Variants in TM9SF2 observed in about 807,000 individuals in gnomAD.
TM9SF2 encodes the protein 76 kDa membrane protein.
TM9SF2 carries 13 observed loss-of-function variants against 84.9 expected under a neutral mutation model. The observed-to-expected ratio is 0.15, with a 90% CI of 0.10 to 0.24. TM9SF2 has a LOEUF of 0.24. Ranked by LOEUF, TM9SF2 falls within the 10% of genes least tolerant of loss-of-function variation. The pLI, the probability that TM9SF2 is intolerant of heterozygous loss-of-function variation, is 1.00. For missense variants in TM9SF2, 562 were observed against 818.5 expected (o/e 0.69, Z 3.82); for synonymous variants, 273 against 285.8 (o/e 0.96, Z 0.45).
At chr13:99,507,498 CG>C (rs1282225433) in intron 1 of TM9SF2, among the ~76,000 whole-genome samples, 1 of 152,070 alleles carries the variant, frequency 6.6e-6, no homozygotes, top group Non-Finnish European at 1.5e-5. Context: ...TTACTTCTTT[CG>C]TTGATATAGT....
chr13:99,536,570 G>T (rs2046235517), intron 4 of TM9SF2, 38 bp from the exon 5 acceptor site: 1 of 1,582,882 alleles, frequency 6.3e-7, no homozygotes, highest in Non-Finnish European at 8.6e-7. Context: ...CATGTTTGGT[G>T]GGTTCTTTTC....
Position 99,546,982 on chromosome 13 carries a change from T to C in TM9SF2, c.1151-3T>C. 1 of 1,614,162 alleles carries C rather than the reference T, an allele frequency of 6.2e-7. No homozygotes were observed. The highest frequency in any genetic ancestry group is 8.5e-7 in the Non-Finnish European group (1 of 1,180,018). ...GTACAGCCTTTCACGATTTGTGTTTTAGTTTTCGCTTGCCTGGGATTTTTG... is the reference window on the plus strand; with the variant it reads ...GTACAGCCTTTCACGATTTGTGTTTCAGTTTTCGCTTGCCTGGGATTTTTG... On this transcript the variant is annotated splice_polypyrimidine_tract_variant and splice_region_variant and intron_variant, in intron 10 of 16. Coordinates refer to ENST00000376387, the MANE Select transcript of TM9SF2 (RefSeq NM_004800.3).
At chr13:99,510,710 G>A (rs557921815) in intron 1 of TM9SF2, among the ~76,000 whole-genome samples, 62 of 152,326 alleles carry the variant, frequency 4.1e-4, no homozygotes, top group African/African-American at 1.4e-3. Flanking sequence ...TCATGATCCA[G>A]TCACCTCCCA....
At chr13:99,560,365 A>G (rs2046339631) in intron 16 of TM9SF2, among the ~76,000 whole-genome samples, 1 of 152,156 alleles carries the variant, frequency 6.6e-6, no homozygotes. Context: ...CTGCTGTCTC[A>G]GGCTTAAGGC....
intron 13 of TM9SF2, among the ~76,000 whole-genome samples, chr13:99,553,164 A>G (rs925996874): frequency 6.6e-6 from 1 of 152,180 alleles, no homozygotes; most frequent in Admixed American, 6.5e-5. Flanking sequence ...CTGTCTCATC[A>G]GTATCCTTCT....
At chr13:99,503,709 CAAAAAAAAA>C (rs386380419) in intron 1 of TM9SF2, among the ~76,000 whole-genome samples, 3 of 78,502 alleles carry the variant, frequency 3.8e-5, no homozygotes, top group Non-Finnish European at 5.1e-5. Context: ...GACTTTGTCT[CAAAAAAAAA>C]AAAAAAAAAA....
rs1335425604 is a variant in TM9SF2, at chr13:99,541,616, G to A, written c.966G>A (p.Met322Ile). Reference protein sequence around the residue: ...LFLSGMVAMIMLRTLHKDIAR... With the variant: ...LFLSGMVAMIILRTLHKDIAR... Reference sequence around the variant, plus strand: ...TATCTGGAATGGTAGCTATGATTATGTTACGGACACTGCACAAAGATATTG... The same window carrying A: ...TATCTGGAATGGTAGCTATGATTATATTACGGACACTGCACAAAGATATTG... The change falls in exon 9 of 17, where the codon ATG becomes ATA. Residue 322 changes from methionine to isoleucine, a missense_variant. Met to Ile is a conservative substitution (Grantham distance 10, BLOSUM62 1). Transcript: ENST00000376387. 1 of 1,613,404 alleles carries A rather than the reference G, an allele frequency of 6.2e-7. No homozygotes were observed.
intron 1 of TM9SF2, among the ~76,000 whole-genome samples, chr13:99,507,719 G>A (rs1416543483): frequency 6.6e-6 from 1 of 152,194 alleles, no homozygotes; most frequent in Non-Finnish European, 1.5e-5. Flanking sequence ...CTAATATTAA[G>A]GAGTTGAAGC....
chr13:99,512,899 A>G (rs2139073304), intron 1 of TM9SF2, among the ~76,000 whole-genome samples: 1 of 152,342 alleles, frequency 6.6e-6, no homozygotes, highest in African/African-American at 2.4e-5. Context: ...AATTTAGAAA[A>G]GAGAATGCAC....
chr13:99,505,013 G>A (rs181158164), intron 1 of TM9SF2, among the ~76,000 whole-genome samples: 78 of 152,174 alleles, frequency 5.1e-4, no homozygotes, highest in Non-Finnish European at 1.9e-4. Flanking sequence ...ACAAGAAGAA[G>A]TTTTTAGTTC....
chr13:99,516,664 AC>A (rs2046135982), intron 1 of TM9SF2, among the ~76,000 whole-genome samples: 1 of 152,214 alleles, frequency 6.6e-6, no homozygotes, highest in African/African-American at 2.4e-5. Context: ...GGAAGTTGAT[AC>A]AGCTTATCTC....
At position 99,548,255 on chromosome 13, in the gene TM9SF2, G is replaced by T. The variant is rs565853784; in HGVS notation, c.1271-910G>T. On this transcript the variant is annotated intron_variant, in intron 11 of 16. Transcript: ENST00000376387. ...GCCTCCCCATCCTTCAGGTCTCCCA[G>T]CTGCAGATCCTGTATTACTTGAATT... Among the ~76,000 whole-genome samples the T allele has an allele frequency of 3.7e-4, 57 of 152,162 alleles. No homozygotes were observed. In the South Asian group the frequency reaches 5.2e-3, roughly 14 times the overall value.
chr13:99,502,344 C>T (rs767292338), intron 1 of TM9SF2, among the ~76,000 whole-genome samples: 23 of 152,084 alleles, frequency 1.5e-4, no homozygotes, highest in Non-Finnish European at 2.8e-4. Context: ...GAAGTTGGTT[C>T]CTTATTTGTG....
At chr13:99,536,758 T>C (rs778265175) in intron 5 of TM9SF2, 21 bp downstream of exon 5, 1 of 1,608,792 alleles carries the variant, frequency 6.2e-7, no homozygotes, top group Non-Finnish European at 8.5e-7. Context: ...GATAAACTCT[T>C]TGCTGCTTTT....
chr13:99,554,513 T>C, intron 14 of TM9SF2, 58 bp downstream of exon 14: 3 of 1,547,460 alleles, frequency 1.9e-6, no homozygotes, highest in Non-Finnish European at 2.6e-6. Context: ...TATTTCCTTT[T>C]TGTTTGTTTA....
Position 99,540,578 on chromosome 13 carries a change from G to A in TM9SF2, c.829-136G>A, listed in dbSNP as rs1594056639. 1.8e-5 allele frequency: 10 copies of A among 550,674 alleles called. No homozygotes were observed. The East Asian group carries it at 2.8e-4, about 16-fold the overall frequency. The allele number at this position is 550,674 out of a possible 1,614,324, so 34.1% of individuals were successfully genotyped here. A position where few individuals can be genotyped will look rare whatever the true frequency, so the allele number is the denominator to read the frequency against. The stretch of plus-strand genomic sequence containing the variant: ...AAATCTGAAACTCTCCAAATCTCAG[G>A]ACTAACCAAAGTTAGATAATTTAGA... On this transcript the variant is annotated intron_variant, in intron 7 of 16. Transcript: ENST00000376387.
chr13:99,543,574 TTAGAG>T (rs1183264621), intron 9 of TM9SF2, among the ~76,000 whole-genome samples: 2 of 152,214 alleles, frequency 1.3e-5, no homozygotes, highest in Non-Finnish European at 2.9e-5. Context: ...AAAGCTTGAC[TTAGAG>T]TAGAATTAGG....
rs539059620 is a variant in TM9SF2 at position 99,529,858 on chromosome 13, T to C, written c.461+264T>C. Among the ~76,000 whole-genome samples the C allele has an allele frequency of 9.8e-5, 15 of 152,316 alleles. No individual in the cohort carries two copies. In the East Asian group the frequency reaches 2.9e-3, roughly 29 times the overall value. The stretch of plus-strand genomic sequence containing the variant: ...ATAGATCTGGTACATAGAGTAGTTA[T>C]TTTTATTCACATACAGGCATACCTT... On this transcript the variant is annotated intron_variant, in intron 4 of 16. Transcript: ENST00000376387.
intron 1 of TM9SF2, among the ~76,000 whole-genome samples, chr13:99,514,953 G>C (rs1475345039): frequency 1.3e-5 from 2 of 152,202 alleles, no homozygotes; most frequent in Non-Finnish European, 2.9e-5. Context: ...AGATCAGAAC[G>C]TTGAGGAACA....
Sources: gnomAD v4.1 joint callset for allele counts (sites outside exome capture counted in the v4.1 genomes callset) on GRCh38, gnomAD v4.1.1 for gene constraint, MANE v1.5 for transcripts, NCBI Gene and HGNC (gene_info 2026-07-23, HGNC 2026-07-21) for gene names.